The following AP3S2 variants were observed in gnomAD, a reference collection of about 807,000 sequenced individuals.
The protein encoded by AP3S2 is AP-3 complex subunit sigma-2.
In AP3S2, 22 loss-of-function variants were observed where a neutral mutation model predicts 23.4. That is an observed-to-expected ratio of 0.94 (90% CI 0.67 to 1.34). The LOEUF is 1.34. AP3S2 is among the 40% of genes most tolerant of loss of function. AP3S2 has a pLI of 0.00. For synonymous variants in AP3S2, 86 were observed against 87.1 expected, an observed-to-expected ratio of 0.99 and a Z score of 0.07; for missense variants, 241 against 236.9, an observed-to-expected ratio of 1.02 and a Z score of -0.11.
At chr15:89,873,620 C>T (rs920598115) in intron 3 of AP3S2, among the ~76,000 whole-genome samples, 23 of 152,040 alleles carry the variant, frequency 1.5e-4, no homozygotes, top group Non-Finnish European at 4.4e-5. Context: ...CTCCCATTTT[C>T]CATCTCTGCC....
At chr15:89,842,264 A>C (rs777999296) in intron 4 of AP3S2, among the ~76,000 whole-genome samples, 2 of 152,202 alleles carry the variant, frequency 1.3e-5, no homozygotes, top group Non-Finnish European at 2.9e-5. Context: ...AAAAGACAGC[A>C]AAGGAGATGT....
intron 2 of AP3S2, 95 bp downstream of exon 2, chr15:89,888,954 G>C: frequency 1.4e-6 from 2 of 1,457,806 alleles, no homozygotes; most frequent in East Asian, 2.3e-5. Context: ...GTTGCATCAA[G>C]TACCCACCTG....
intron 1 of AP3S2, among the ~76,000 whole-genome samples, chr15:89,890,889 T>A (rs1333641548): frequency 6.6e-6 from 1 of 152,228 alleles, no homozygotes; most frequent in Non-Finnish European, 1.5e-5. Context: ...ACTGACTGAA[T>A]GAAAACTTGC....
chr15:89,840,861 T>C (rs1372625979), intron 4 of AP3S2, among the ~76,000 whole-genome samples: 1 of 152,228 alleles, frequency 6.6e-6, no homozygotes, highest in Non-Finnish European at 1.5e-5. Flanking sequence ...CTTTATATCA[T>C]ACTTCCTCAG....
intron 4 of AP3S2, among the ~76,000 whole-genome samples, chr15:89,849,934 T>A (rs1895603620): frequency 6.6e-6 from 1 of 152,102 alleles, no homozygotes; most frequent in African/African-American, 2.4e-5. Context: ...CGTGTTTGGT[T>A]TTCTGTTCTT....
chr15:89,855,496 C>T (rs1483618902), intron 4 of AP3S2, among the ~76,000 whole-genome samples: 2 of 129,640 alleles, frequency 1.5e-5, no homozygotes, highest in Non-Finnish European at 3.2e-5. Flanking sequence ...AAATCCCCCT[C>T]TGTGAGAAAC....
At chr15:89,836,570 G>A (rs1477819385) in intron 5 of AP3S2, among the ~76,000 whole-genome samples, 1 of 152,176 alleles carries the variant, frequency 6.6e-6, no homozygotes, top group East Asian at 1.9e-4. Flanking sequence ...CAAAGAGTAT[G>A]CACATCTACA....
chr15:89,858,603 T>C (rs1895924317), intron 4 of AP3S2, among the ~76,000 whole-genome samples: 1 of 152,058 alleles, frequency 6.6e-6, no homozygotes, highest in Admixed American at 6.5e-5. Flanking sequence ...AATCCTCTTC[T>C]GCAATATAAG....
rs146744076 is a variant in AP3S2 at position 89,889,062 on chromosome 15, A to G, written c.148T>C (p.Leu50=). 8.1e-6 allele frequency: 13 copies of G among 1,614,216 alleles called. No homozygotes were observed. In the African/African-American group the frequency reaches 1.6e-4, roughly 20 times the overall value. The stretch of plus-strand genomic sequence containing the variant: ...CTGACAGTTTACCTTCCACCCTCCA[A>G]GAAGTTACAGATGTTGTCATCCCGC... ...LKRDDNICNF[L]EGGSLIGGSD... Residue 50 remains leucine, a synonymous_variant, in exon 2 of 6, where the codon TTG becomes CTG. Transcript: ENST00000336418.
At chr15:89,873,876 C>CTTTTTTTTTTTTTTTTT (rs3055916) in intron 3 of AP3S2, among the ~76,000 whole-genome samples, 1 of 76,848 alleles carries the variant, frequency 1.3e-5, no homozygotes, top group Non-Finnish European at 2.3e-5. Flanking sequence ...TTCTCTGTGG[C>CTTTTTTTTTTTTTTTTT]TTTTTTTTTT....
At chr15:89,856,701 C>CAAA (rs34735772) in intron 4 of AP3S2, among the ~76,000 whole-genome samples, 6 of 75,106 alleles carry the variant, frequency 8.0e-5, no homozygotes, top group Non-Finnish European at 1.0e-4. Context: ...GACTCCATCT[C>CAAA]AAAAAAAAAA....
intron 4 of AP3S2, among the ~76,000 whole-genome samples, chr15:89,859,384 T>G (rs1596201561): frequency 1.0e-5 from 1 of 99,912 alleles, no homozygotes; most frequent in Non-Finnish European, 2.0e-5. Flanking sequence ...CTTCCTTCCT[T>G]CCTTTTCTTT....
At chr15:89,852,942 G>C (rs1181785715) in intron 4 of AP3S2, among the ~76,000 whole-genome samples, 1 of 152,212 alleles carries the variant, frequency 6.6e-6, no homozygotes, top group African/African-American at 2.4e-5. Context: ...AGACAGGCAG[G>C]CTGGGCATGC....
chr15:89,884,080 G>A (rs75639949), intron 3 of AP3S2: 266 of 154,122 alleles, frequency 1.7e-3, no homozygotes, highest in African/African-American at 6.2e-3. Flanking sequence ...GTGTGCCTCT[G>A]AATTCTGAAC....
At chr15:89,886,859 A>C (rs1896712961) in intron 3 of AP3S2, among the ~76,000 whole-genome samples, 1 of 152,104 alleles carries the variant, frequency 6.6e-6, no homozygotes, top group South Asian at 2.1e-4. Context: ...GAGTGGCACA[A>C]TCTTGGCTCA....
intron 3 of AP3S2, among the ~76,000 whole-genome samples, chr15:89,881,672 C>T (rs936420496): frequency 1.3e-5 from 2 of 152,106 alleles, no homozygotes; most frequent in Non-Finnish European, 2.9e-5. Flanking sequence ...TATAAACCCA[C>T]ACGTGGAAAA....
At chr15:89,872,864 A>T (rs1896353110) in intron 3 of AP3S2, among the ~76,000 whole-genome samples, 1 of 152,198 alleles carries the variant, frequency 6.6e-6, no homozygotes, top group Non-Finnish European at 1.5e-5. Flanking sequence ...GAGCATTTAG[A>T]TTCCTTTCTT....
At chr15:89,881,112 T>C (rs1222872137) in intron 3 of AP3S2, among the ~76,000 whole-genome samples, 1 of 152,190 alleles carries the variant, frequency 6.6e-6, no homozygotes, top group Non-Finnish European at 1.5e-5. Flanking sequence ...GATGAGAGTA[T>C]TCCAGGGGAC....
intron 4 of AP3S2, among the ~76,000 whole-genome samples, chr15:89,858,489 AAG>A: frequency 2.4e-5 from 1 of 41,852 alleles, no homozygotes; most frequent in South Asian, 7.0e-4. Context: ...GAAAGAAAGA[AAG>A]AAAGAGAGAG....
Sources: allele counts gnomAD v4.1 joint callset (sites outside exome capture counted in the v4.1 genomes callset), GRCh38; gene constraint gnomAD v4.1.1; transcripts MANE v1.5; gene names NCBI Gene and HGNC (gene_info 2026-07-23, HGNC 2026-07-21).